The following LRBA variants were observed in gnomAD, a reference collection of about 807,000 sequenced individuals.
LRBA encodes LPS responsive beige-like anchor protein, also known as lipopolysaccharide-responsive and beige-like anchor protein.
Under a neutral mutation model 330.0 loss-of-function variants are expected in LRBA, and 176 were observed. The observed-to-expected ratio is 0.53, with a 90% CI of 0.47 to 0.60. The LOEUF (loss-of-function observed/expected upper bound fraction) is 0.60. LRBA is among the 20% of genes least tolerant of loss of function. The probability of loss-of-function intolerance (pLI) is 0.00; values close to 1 mark genes in which losing one functional copy is unlikely to be tolerated. For synonymous variants in LRBA, 1,230 were observed against 1,193.0 expected (o/e 1.03, Z -0.64); for missense variants, 3,259 against 3,444.8 (o/e 0.95, Z 1.35).
intron 9 of LRBA, among the ~76,000 whole-genome samples, chr4:150,911,606 T>C (rs1731999021): frequency 6.6e-6 from 1 of 152,222 alleles, no homozygotes; most frequent in African/African-American, 2.4e-5. Flanking sequence ...TAGTATTTTA[T>C]TGAAGATTTT....
chr4:150,368,076 C>G (rs1739725081), intron 47 of LRBA, among the ~76,000 whole-genome samples: 2 of 152,130 alleles, frequency 1.3e-5, no homozygotes, highest in Admixed American at 1.3e-4. Flanking sequence ...AGGTATCCTT[C>G]AAACTCAGCC....
At chr4:150,855,503 A>C (rs1751118174) in intron 22 of LRBA, among the ~76,000 whole-genome samples, 1 of 152,212 alleles carries the variant, frequency 6.6e-6, no homozygotes, top group Non-Finnish European at 1.5e-5. Flanking sequence ...TGTATTATAC[A>C]ATGGATCAAT....
Position 150,800,287 on chromosome 4 carries a change from G to A in LRBA, c.5519-2145C>T, listed in dbSNP as rs80178695. Among the ~76,000 whole-genome samples the A allele has an allele frequency of 5.7e-3, 864 of 152,252 alleles. 7 individuals are homozygous for A. Among genetic ancestry groups the A allele is most frequent in the African/African-American group, 0.02 (842 of 41,548 alleles). On this transcript the variant is annotated intron_variant, in intron 33 of 56. Coordinates refer to ENST00000651943, the MANE Select transcript of LRBA (RefSeq NM_001364905.1). ...GAGAGTGATGGTAGATGTATTGCAGGGGCAGGGTGGAAAGTATGTTCAATT... is the reference window on the plus strand; with the variant it reads ...GAGAGTGATGGTAGATGTATTGCAGAGGCAGGGTGGAAAGTATGTTCAATT...
In LRBA at chr4:150,275,559, A is replaced by C. The variant is rs186701464; in HGVS notation, c.8468+2294T>G. 3.2e-3 allele frequency among the ~76,000 whole-genome samples: 495 copies of C among 152,334 alleles called. 2 individuals are homozygous for C. The highest frequency in any genetic ancestry group is 5.3e-3 in the Non-Finnish European group (360 of 68,032). On this transcript the variant is annotated intron_variant, in intron 56 of 56. Coordinates refer to ENST00000651943, the MANE Select transcript of LRBA (RefSeq NM_001364905.1). ...AGCATCTCAGCCCAAAATCTCCTTA[A>C]GCTGATAGGCAACTTCAGCAAAGTC...
At chr4:150,423,501 T>C (rs1435773672) in intron 46 of LRBA, 1 of 499,148 alleles carries the variant, frequency 2.0e-6, no homozygotes, top group Admixed American at 2.6e-5. Flanking sequence ...TTTCTTTCCA[T>C]GGACCTGGGT....
At chr4:150,712,171 CAG>C (rs1212511003) in intron 36 of LRBA, among the ~76,000 whole-genome samples, 2 of 152,222 alleles carry the variant, frequency 1.3e-5, no homozygotes, top group Non-Finnish European at 2.9e-5. Flanking sequence ...ATCTGTAAAA[CAG>C]AGATAATAAA....
chr4:150,928,455 C>G, intron 4 of LRBA, 61 bp downstream of exon 4: 1 of 969,528 alleles, frequency 1.0e-6, no homozygotes, highest in Non-Finnish European at 1.6e-6. Context: ...ACTTTACAAG[C>G]TACGAATGTG....
intron 40 of LRBA, among the ~76,000 whole-genome samples, chr4:150,519,034 AT>A (rs973550696): frequency 1.4e-4 from 21 of 151,932 alleles, no homozygotes; most frequent in East Asian, 9.7e-4. Context: ...TTCCTAGATA[AT>A]TTTTTTTCCT....
chr4:150,406,611 A>C (rs1199360183), intron 47 of LRBA, among the ~76,000 whole-genome samples: 1 of 152,190 alleles, frequency 6.6e-6, no homozygotes, highest in Non-Finnish European at 1.5e-5. Flanking sequence ...ACAATTTATG[A>C]CTAAAAAGTT....
chr4:150,540,117 G>A (rs768604198), intron 40 of LRBA, among the ~76,000 whole-genome samples: 2 of 151,924 alleles, frequency 1.3e-5, no homozygotes, highest in Non-Finnish European at 2.9e-5. Context: ...TAGGTTTTAC[G>A]GACATTTTAA....
At chr4:150,877,519 A>G (rs1369299141) in intron 17 of LRBA, among the ~76,000 whole-genome samples, 1 of 152,254 alleles carries the variant, frequency 6.6e-6, no homozygotes, top group Non-Finnish European at 1.5e-5. Context: ...TAGAGCAATC[A>G]GATATATAAA....
At chr4:150,444,628 C>A (rs1581332586) in intron 44 of LRBA, among the ~76,000 whole-genome samples, 2 of 152,278 alleles carry the variant, frequency 1.3e-5, no homozygotes. Flanking sequence ...TTCATCAGCA[C>A]ACCACCGTGG....
intron 5 of LRBA, among the ~76,000 whole-genome samples, chr4:150,918,105 A>C (rs192661616): frequency 5.9e-5 from 9 of 152,286 alleles, no homozygotes; most frequent in Admixed American, 5.2e-4. Flanking sequence ...AAAAGAAAAA[A>C]ATATATACAT....
intron 34 of LRBA, among the ~76,000 whole-genome samples, chr4:150,794,436 G>A (rs1277338930): frequency 6.6e-6 from 1 of 151,530 alleles, no homozygotes; most frequent in Non-Finnish European, 1.5e-5. Flanking sequence ...TGGGATTAGA[G>A]AAAAGAAAGT....
intron 49 of LRBA, among the ~76,000 whole-genome samples, chr4:150,324,774 CT>C (rs1308104754): frequency 6.6e-6 from 1 of 152,104 alleles, no homozygotes; most frequent in East Asian, 1.9e-4. Context: ...CGGGAACAGA[CT>C]TTGTAGTTTC....
chr4:150,554,835 A>G (rs1767085682), intron 40 of LRBA, among the ~76,000 whole-genome samples: 1 of 152,154 alleles, frequency 6.6e-6, no homozygotes, highest in South Asian at 2.1e-4. Flanking sequence ...ATGATGTTCT[A>G]TGCCACTTAT....
intron 40 of LRBA, among the ~76,000 whole-genome samples, chr4:150,536,557 C>T (rs1221110821): frequency 6.6e-6 from 1 of 152,102 alleles, no homozygotes; most frequent in African/African-American, 2.4e-5. Flanking sequence ...GTCCACTCTG[C>T]AAAAAGTTAG....
At chr4:150,560,985 C>T (rs1339007887) in intron 40 of LRBA, among the ~76,000 whole-genome samples, 1 of 150,324 alleles carries the variant, frequency 6.7e-6, no homozygotes, top group Admixed American at 6.6e-5. Flanking sequence ...AACTCCATCT[C>T]AAAAAAAAGA....
chr4:150,679,766 G>A (rs540485759), intron 37 of LRBA: 1 of 152,078 alleles, frequency 6.6e-6, no homozygotes, highest in Non-Finnish European at 1.5e-5. Flanking sequence ...TTGATATGAG[G>A]TTCCGTTAAA....
Sources: allele counts gnomAD v4.1 joint callset (sites outside exome capture counted in the v4.1 genomes callset), GRCh38; gene constraint gnomAD v4.1.1; transcripts MANE v1.5; gene names NCBI Gene and HGNC (gene_info 2026-07-23, HGNC 2026-07-21).